Variants in KHDRBS3 observed in about 807,000 individuals in gnomAD.
KHDRBS3 encodes the protein KH domain-containing, RNA-binding, signal transduction-associated protein 3.
Under a neutral mutation model 45.6 loss-of-function variants are expected in KHDRBS3, and 23 were observed. That is an observed-to-expected ratio of 0.50 (90% confidence interval 0.36 to 0.72). The LOEUF (loss-of-function observed/expected upper bound fraction) is 0.72. Among genes scored for constraint, KHDRBS3 ranks in the 30% least tolerant of loss-of-function variants. The pLI is 0.00. For missense variants in KHDRBS3, 352 were observed against 424.8 expected (o/e 0.83, Z 1.51); for synonymous variants, 162 against 156.5 (o/e 1.04, Z -0.26).
intron 1 of KHDRBS3, among the ~76,000 whole-genome samples, chr8:135,511,975 A>C (rs543114472): frequency 6.6e-6 from 1 of 152,318 alleles, no homozygotes; most frequent in East Asian, 1.9e-4. Flanking sequence ...ATTTGTCCTT[A>C]TTAGACTGAT....
chr8:135,648,377 G>A (rs2131214373), downstream of KHDRBS3, among the ~76,000 whole-genome samples: 1 of 152,148 alleles, frequency 6.6e-6, no homozygotes, highest in Middle Eastern at 3.4e-3. Context: ...ACATTATTTG[G>A]TTAGTAATTG....
intron 1 of KHDRBS3, among the ~76,000 whole-genome samples, chr8:135,469,517 GTTTTGGTTTTTTTTTTT>G (rs1821884068): frequency 6.5e-5 from 2 of 30,678 alleles, no homozygotes; most frequent in African/African-American, 1.8e-4. Context: ...TTTTTTTTTT[GTTTTGGTTTTTTTTTTT>G]TTTTTTTTTT....
chr8:135,495,449 T>C (rs960730), intron 1 of KHDRBS3, among the ~76,000 whole-genome samples: 121,896 of 152,170 alleles, frequency 0.8, 49,348 homozygotes, highest in East Asian at 0.96. Context: ...CTTTAGGACT[T>C]AGAGGAATAG....
At chr8:135,642,222 A>G (rs1026503329) in intron 7 of KHDRBS3, among the ~76,000 whole-genome samples, 1 of 152,170 alleles carries the variant, frequency 6.6e-6, no homozygotes, top group Non-Finnish European at 1.5e-5. Context: ...GTGGTGAGCA[A>G]AAGCCACCTG....
rs1554625598 is a variant in KHDRBS3 at position 135,542,636 on chromosome 8, G to T, written c.208-18G>T. On this transcript the variant is annotated intron_variant, in intron 2 of 8. Transcript: ENST00000355849. ...TTCACATATAAATGCTACAAATTTG[G>T]TTGTTTATTTTTCCTAGTTCAACTT... The T allele has an allele frequency of 6.6e-7, 1 of 1,516,832 alleles. No homozygotes were observed. Among genetic ancestry groups the T allele is most frequent in the African/African-American group, 1.4e-5 (1 of 72,756 alleles). The allele number at this position is 1,516,832 out of a possible 1,614,324, so 94.0% of individuals were successfully genotyped here.
intron 1 of KHDRBS3, among the ~76,000 whole-genome samples, chr8:135,515,676 G>A (rs1342216289): frequency 6.6e-6 from 1 of 152,154 alleles, no homozygotes; most frequent in Non-Finnish European, 1.5e-5. Flanking sequence ...CCTTGCTGCT[G>A]TGTCACCACA....
chr8:135,582,174 G>A, intron 6 of KHDRBS3, 101 bp downstream of exon 6: 1 of 1,169,508 alleles, frequency 8.6e-7, no homozygotes, highest in South Asian at 2.7e-5. Context: ...CCTTGTTTTG[G>A]TTCTTGAGTA....
chr8:135,466,531 G>T (rs1473173056), intron 1 of KHDRBS3, among the ~76,000 whole-genome samples: 1 of 152,140 alleles, frequency 6.6e-6, no homozygotes, highest in Admixed American at 6.5e-5. Context: ...TGTTTATTTT[G>T]GGGGAAAATT....
At chr8:135,565,608 G>C (rs1203211025) in intron 5 of KHDRBS3, among the ~76,000 whole-genome samples, 2 of 152,182 alleles carry the variant, frequency 1.3e-5, no homozygotes, top group African/African-American at 4.8e-5. Context: ...TCTGCCCTGT[G>C]CACTTGTGGT....
chr8:135,513,165 A>C (rs1824393466), intron 1 of KHDRBS3, among the ~76,000 whole-genome samples: 1 of 151,954 alleles, frequency 6.6e-6, no homozygotes, highest in South Asian at 2.1e-4. Context: ...GCGCCACTGC[A>C]CTCCAGCCTG....
At chr8:135,531,738 C>A (rs1448047560) in intron 2 of KHDRBS3, among the ~76,000 whole-genome samples, 1 of 151,996 alleles carries the variant, frequency 6.6e-6, no homozygotes, top group African/African-American at 2.4e-5. Context: ...AAATTCAGGA[C>A]ATTAACAGAC....
intron 1 of KHDRBS3, among the ~76,000 whole-genome samples, chr8:135,518,266 C>T (rs1346748834): frequency 7.2e-5 from 11 of 152,042 alleles, no homozygotes; most frequent in African/African-American, 1.7e-4. Context: ...CTCCGCCTCC[C>T]GTGTTCATGC....
intron 6 of KHDRBS3, among the ~76,000 whole-genome samples, chr8:135,599,599 A>C (rs1025075140): frequency 2.6e-5 from 4 of 152,210 alleles, no homozygotes; most frequent in African/African-American, 9.6e-5. Context: ...TTTATTCAAC[A>C]AACATGACCA....
intron 1 of KHDRBS3, among the ~76,000 whole-genome samples, chr8:135,460,918 A>G (rs1821397428): frequency 6.6e-6 from 1 of 152,082 alleles, no homozygotes; most frequent in African/African-American, 2.4e-5. Context: ...TAACTGAATT[A>G]CTCTTTTTCT....
At chr8:135,484,882 G>T (rs941772777) in intron 1 of KHDRBS3, among the ~76,000 whole-genome samples, 1 of 152,136 alleles carries the variant, frequency 6.6e-6, no homozygotes, top group Non-Finnish European at 1.5e-5. Context: ...TGCCTGGGAG[G>T]TAGTAACATT....
intron 1 of KHDRBS3, among the ~76,000 whole-genome samples, chr8:135,506,082 T>C (rs989117877): frequency 6.6e-6 from 1 of 152,212 alleles, no homozygotes; most frequent in Admixed American, 6.5e-5. Flanking sequence ...AGATGGCTTG[T>C]TTGTGGAAAT....
At chr8:135,546,759 A>T (rs930968397) in intron 3 of KHDRBS3, among the ~76,000 whole-genome samples, 2 of 152,164 alleles carry the variant, frequency 1.3e-5, no homozygotes, top group African/African-American at 4.8e-5. Flanking sequence ...TGCCCAAGTC[A>T]TACAGTTAAT....
chr8:135,475,262 C>T (rs1822214575), intron 1 of KHDRBS3, among the ~76,000 whole-genome samples: 1 of 152,132 alleles, frequency 6.6e-6, no homozygotes. Flanking sequence ...AGAGGTATGA[C>T]TGTGTGTGGC....
intron 1 of KHDRBS3, among the ~76,000 whole-genome samples, chr8:135,474,817 A>G (rs1822189413): frequency 6.6e-6 from 1 of 152,220 alleles, no homozygotes; most frequent in South Asian, 2.1e-4. Flanking sequence ...CTTTATGACC[A>G]TGGGGTCCTG....
Sources: gnomAD v4.1 joint callset for allele counts (sites outside exome capture counted in the v4.1 genomes callset) on GRCh38, gnomAD v4.1.1 for gene constraint, MANE v1.5 for transcripts, NCBI Gene and HGNC (gene_info 2026-07-23, HGNC 2026-07-21) for gene names.